The following DNMT3A variants were observed in gnomAD, a reference collection of about 807,000 sequenced individuals.
DNMT3A encodes DNA methyltransferase 3 alpha, also known as DNA (cytosine-5)-methyltransferase 3A.
In DNMT3A, 267 loss-of-function variants were observed where a neutral mutation model predicts 117.6. The ratio of observed to expected loss-of-function variants is 2.27; its 90% CI spans 2.05 to 2.51. DNMT3A has a LOEUF of 2.51. Ranked by LOEUF, DNMT3A falls within the 30% of genes most tolerant of loss-of-function variation. DNMT3A has a pLI of 0.00. For missense variants in DNMT3A, 1,029 were observed against 1,260.2 expected (o/e 0.82, Z 2.78); for synonymous variants, 432 against 474.8 (o/e 0.91, Z 1.17).
At position 25,234,223 on chromosome 2, in the gene DNMT3A, GTT is replaced by G. The variant is rs945611346; in HGVS notation, c.*54_*55del. On this transcript the variant is annotated 3_prime_UTR_variant, in exon 23 of 23. Coordinates refer to ENST00000321117, the MANE Select transcript of DNMT3A (RefSeq NM_022552.5). This position sits in a 1 kb window ranked among gnomAD's most constrained non-coding sequence, Gnocchi z 4.5. ...TTCTTGGTGTTTTATTATGTTTTGT[GTT>G]TTTTGTTTGTTTGTTTAACTTTGTG... 1 of 1,564,796 alleles carries G rather than the reference GTT, an allele frequency of 6.4e-7. No individual in the cohort carries two copies. Among genetic ancestry groups the G allele is most frequent in the African/African-American group, 1.4e-5 (1 of 73,850 alleles).
In DNMT3A at chr2:25,337,724, G is replaced by A. The variant is rs1261258169; in HGVS notation, c.-178+4102C>T. On this transcript the variant is annotated intron_variant, in intron 1 of 22. Coordinates refer to ENST00000321117, the MANE Select transcript of DNMT3A (RefSeq NM_022552.5). This position sits in a 1 kb window ranked among gnomAD's most constrained non-coding sequence, Gnocchi z 5.0. ...CCAAGTGGAGGCAGGCTCGGATACA[G>A]ACATAAATCTCAGGCTGACACTTCA... 6.6e-6 allele frequency among the ~76,000 whole-genome samples: 1 copy of A among 152,190 alleles called. No homozygotes were observed.
Position 25,252,467 on chromosome 2 carries a change from C to T in DNMT3A, c.640-4215G>A, listed in dbSNP as rs1042954550. Among the ~76,000 whole-genome samples the T allele has an allele frequency of 6.6e-6, 1 of 151,988 alleles. No individual in the cohort carries two copies. The highest frequency in any genetic ancestry group is 6.5e-5 in the Admixed American group (1 of 15,284). On this transcript the variant is annotated intron_variant, in intron 6 of 22. Coordinates refer to ENST00000321117, the MANE Select transcript of DNMT3A (RefSeq NM_022552.5). This position sits in a 1 kb window ranked among gnomAD's most constrained non-coding sequence, Gnocchi z 5.5. ...CGCTCCGACGCTGGCGCTGGGCCAG[C>T]CCCTCTTCTCCGGTCCGAGGGGCGC... is the stretch of plus-strand genomic sequence containing the variant.
intron 6 of DNMT3A, 108 bp from the exon 7 acceptor site, chr2:25,248,360 G>A (rs1049515816): frequency 3.9e-6 from 5 of 1,289,418 alleles, no homozygotes; most frequent in South Asian, 1.3e-5. Flanking sequence ...GTGACAGAAG[G>A]TCAAGGGCTG....
At chr2:25,297,162 T>G (rs1305119794) in intron 3 of DNMT3A, among the ~76,000 whole-genome samples, 1 of 152,072 alleles carries the variant, frequency 6.6e-6, no homozygotes, top group Non-Finnish European at 1.5e-5. Context: ...TCCCCCAACA[T>G]GGGCTCCCAG....
In DNMT3A at chr2:25,245,241, G is replaced by GT; in HGVS notation, c.1554+11dup. 6.2e-7 allele frequency: 1 copy of GT among 1,613,240 alleles called. No individual in the cohort carries two copies. Among genetic ancestry groups the GT allele is most frequent in the Non-Finnish European group, 8.5e-7 (1 of 1,179,618 alleles). ...CCTCAACGGCACCTCTCCTGGGTGG[G>GT]TGTGCTCCTACCTTGCAGTTTTGGC... On this transcript the variant is annotated intron_variant, in intron 13 of 22. Transcript: ENST00000321117.
intron 3 of DNMT3A, among the ~76,000 whole-genome samples, chr2:25,287,729 A>ACCC (rs58548214): frequency 1.1e-4 from 16 of 146,228 alleles, no homozygotes; most frequent in African/African-American, 4.0e-4. Context: ...GACAGAGGAC[A>ACCC]CCCCCGCCCC....
At chr2:25,245,973 C>T in intron 12 of DNMT3A, 47 bp downstream of exon 12, 2 of 1,612,600 alleles carry the variant, frequency 1.2e-6, no homozygotes, top group Non-Finnish European at 1.7e-6. Context: ...TGCTACTCTG[C>T]CCCATGCCAC....
intron 6 of DNMT3A, among the ~76,000 whole-genome samples, chr2:25,253,678 G>A (rs1681018475): frequency 6.6e-6 from 1 of 152,242 alleles, no homozygotes; most frequent in South Asian, 2.1e-4. Context: ...GGAAAAATCA[G>A]CCTAGTTGCC....
At chr2:25,323,754 A>G (rs899072069) in intron 1 of DNMT3A, among the ~76,000 whole-genome samples, 3 of 152,184 alleles carry the variant, frequency 2.0e-5, no homozygotes, top group Admixed American at 6.5e-5. Flanking sequence ...GCTTGTACTT[A>G]AGCTCCTCCG....
At chr2:25,238,578 T>C (rs1327536830) in intron 20 of DNMT3A, among the ~76,000 whole-genome samples, 3 of 152,232 alleles carry the variant, frequency 2.0e-5, no homozygotes, top group East Asian at 1.9e-4. Flanking sequence ...ATGAAATGAA[T>C]TTTCTTCATT....
Position 25,265,439 on chromosome 2 carries a change from T to C in DNMT3A, c.639+9502A>G, listed in dbSNP as rs907660970. 5.9e-5 allele frequency among the ~76,000 whole-genome samples: 9 copies of C among 152,360 alleles called. No individual in the cohort carries two copies. The South Asian group carries it at 6.2e-4, about 11-fold the overall frequency. On this transcript the variant is annotated intron_variant, in intron 6 of 22. Coordinates refer to ENST00000321117, the MANE Select transcript of DNMT3A (RefSeq NM_022552.5). ...GAGATTTGGAGTCTAGTTTTGCCCA[T>C]TGGGCCACTCCATCAGGATACCCAT...
At chr2:25,307,002 T>C (rs2033812664) in intron 2 of DNMT3A, among the ~76,000 whole-genome samples, 2 of 137,510 alleles carry the variant, frequency 1.5e-5, no homozygotes, top group Admixed American at 7.1e-5. Context: ...TAAAACTACT[T>C]TGTAGCCGTG....
chr2:25,242,358 C>G (rs559309517), intron 16 of DNMT3A, among the ~76,000 whole-genome samples: 1 of 152,052 alleles, frequency 6.6e-6, no homozygotes. Context: ...AAATGCTAGC[C>G]GAACTGAGGC....
In DNMT3A at chr2:25,247,500, C is replaced by T; in HGVS notation, c.1014+91G>A. On this transcript the variant is annotated intron_variant, in intron 8 of 22. Coordinates refer to ENST00000321117, the MANE Select transcript of DNMT3A (RefSeq NM_022552.5). The surrounding 1 kb of genome is among the most constrained non-coding windows in gnomAD (Gnocchi z 5.6). ...GGTGAGCAGAACCCACTTCCATCAC[C>T]CCAATTCCAGACTGCCCCCAGCCAA... The T allele has an allele frequency of 6.4e-7, 1 of 1,552,214 alleles. No homozygotes were observed. Among genetic ancestry groups the T allele is most frequent in the Non-Finnish European group, 8.7e-7 (1 of 1,145,638 alleles).
chr2:25,255,928 C>CAA (rs1676075245), intron 6 of DNMT3A, among the ~76,000 whole-genome samples: 1 of 152,126 alleles, frequency 6.6e-6, no homozygotes, highest in Admixed American at 6.5e-5. Context: ...ACGTTTTACT[C>CAA]AAAGTTCAGT....
At chr2:25,291,169 C>T (rs2032735315) in intron 3 of DNMT3A, among the ~76,000 whole-genome samples, 1 of 152,236 alleles carries the variant, frequency 6.6e-6, no homozygotes, top group Non-Finnish European at 1.5e-5. Context: ...CTCCTCGCTC[C>T]TTCCAGTTCC....
chr2:25,312,510 G>A (rs961264216), intron 2 of DNMT3A, among the ~76,000 whole-genome samples: 1 of 152,146 alleles, frequency 6.6e-6, no homozygotes, highest in Non-Finnish European at 1.5e-5. Context: ...GTGCACTCCT[G>A]GGATGTGTAC....
At chr2:25,253,991 C>T (rs2149331277) in intron 6 of DNMT3A, among the ~76,000 whole-genome samples, 1 of 150,564 alleles carries the variant, frequency 6.6e-6, no homozygotes, top group African/African-American at 2.4e-5. Context: ...AGAATCGCTT[C>T]AACTTAGGAG....
chr2:25,302,729 G>A (rs1337059581), intron 2 of DNMT3A, among the ~76,000 whole-genome samples: 1 of 152,224 alleles, frequency 6.6e-6, no homozygotes, highest in Non-Finnish European at 1.5e-5. Context: ...CGTATTGCCA[G>A]TGCAGCTTAG....
Sources: allele counts gnomAD v4.1 joint callset (sites outside exome capture counted in the v4.1 genomes callset), GRCh38; gene constraint gnomAD v4.1.1; non-coding constraint Gnocchi (gnomAD v3.1); transcripts MANE v1.5; gene names NCBI Gene and HGNC (gene_info 2026-07-23, HGNC 2026-07-21).